Variants in PLEK observed in about 807,000 individuals in gnomAD.
The protein encoded by PLEK is pleckstrin, also known as platelet 47 kDa protein.
Under a neutral mutation model 43.9 loss-of-function variants are expected in PLEK, and 25 were observed. The ratio of observed to expected loss-of-function variants is 0.57; its 90% CI spans 0.41 to 0.79. The LOEUF (loss-of-function observed/expected upper bound fraction) is 0.79, where lower values mean the gene tolerates loss of function less well. Ranked by LOEUF, PLEK falls within the 30% of genes least tolerant of loss-of-function variation. The pLI, the probability that PLEK is intolerant of heterozygous loss-of-function variation, is 0.00. For synonymous variants in PLEK, 152 were observed against 144.4 expected (o/e 1.05, Z -0.38); for missense variants, 396 against 413.3 (o/e 0.96, Z 0.36).
Position 68,372,455 on chromosome 2 carries a change from C to T in PLEK, c.42+7062C>T, listed in dbSNP as rs138788232. On this transcript the variant is annotated intron_variant, in intron 1 of 8. Transcript: ENST00000234313. Reference sequence around the variant, plus strand: ...CCTCTTAAAGTGCTGGGATTACAGGCATGAGCCACTGCGCCCAGCCGAGAA... The same window carrying T: ...CCTCTTAAAGTGCTGGGATTACAGGTATGAGCCACTGCGCCCAGCCGAGAA... 7.9e-5 allele frequency among the ~76,000 whole-genome samples: 12 copies of T among 151,550 alleles called. No individual in the cohort carries two copies. In the East Asian group the frequency reaches 2.3e-3, roughly 30 times the overall value.
intron 1 of PLEK, among the ~76,000 whole-genome samples, chr2:68,366,191 A>G (rs1385456176): frequency 1.3e-5 from 2 of 152,190 alleles, no homozygotes; most frequent in African/African-American, 4.8e-5. Context: ...CACTAACCTT[A>G]GTGAGTGGAT....
chr2:68,386,595 A>G lies in PLEK; in HGVS notation c.566A>G (p.Tyr189Cys). The change falls in exon 5 of 9, where the codon TAT becomes TGT. Residue 189 changes from tyrosine (Y) to cysteine (C), a missense_variant. Tyr to Cys is a radical substitution (Grantham distance 194, BLOSUM62 -2). Coordinates refer to ENST00000234313, the MANE Select transcript of PLEK (RefSeq NM_002664.3). Reference protein sequence around the residue: ...MIASSLLNEGYLQPAGDMSKS... With the variant: ...MIASSLLNEGCLQPAGDMSKS... ...GCTTCATCGCTGCTCAATGAGGGGT[A>G]TCTGCAGCCTGCTGGAGACATGTCC... 6.2e-7 allele frequency: 1 copy of G among 1,613,640 alleles called. No individual in the cohort carries two copies. The highest frequency in any genetic ancestry group is 1.7e-5 in the Admixed American group (1 of 60,014).
chr2:68,380,518 G>A, intron 2 of PLEK, 35 bp downstream of exon 2: 3 of 1,599,240 alleles, frequency 1.9e-6, no homozygotes, highest in Non-Finnish European at 2.6e-6. Context: ...TGAACCCCTG[G>A]TCAGGCACTC....
chr2:68,374,185 A>T (rs1427714911), intron 1 of PLEK, among the ~76,000 whole-genome samples: 1 of 152,222 alleles, frequency 6.6e-6, no homozygotes, highest in Non-Finnish European at 1.5e-5. Context: ...ATACTTCAAC[A>T]TACATCTTCC....
chr2:68,377,664 G>A (rs188788597), intron 1 of PLEK, among the ~76,000 whole-genome samples: 126 of 152,182 alleles, frequency 8.3e-4, no homozygotes, highest in East Asian at 1.5e-3. Flanking sequence ...GATATATTCT[G>A]GCTATCAATC....
rs1387126090 is a variant in PLEK at position 68,397,204 on chromosome 2, A to T, written c.*1388A>T. The stretch of plus-strand genomic sequence containing the variant: ...GGCTCCAGGAAAGAAAGGAGAGTAG[A>T]ACATTTTTCCTCATTTTATCAAATC... On this transcript the variant is annotated 3_prime_UTR_variant, in exon 9 of 9. Coordinates refer to ENST00000234313, the MANE Select transcript of PLEK (RefSeq NM_002664.3). 6.6e-6 allele frequency: 1 copy of T among 152,134 alleles called. No homozygotes were observed. Among genetic ancestry groups the T allele is most frequent in the Non-Finnish European group, 1.5e-5 (1 of 68,032 alleles). 9.4% of individuals were successfully genotyped at this position (152,134 alleles called of 1,614,324 possible). A position where few individuals can be genotyped will look rare whatever the true frequency, so the allele number is the denominator to read the frequency against.
At chr2:68,388,999 C>T (rs898920629) in intron 6 of PLEK, among the ~76,000 whole-genome samples, 5 of 152,154 alleles carry the variant, frequency 3.3e-5, no homozygotes, top group East Asian at 1.9e-4. Flanking sequence ...TTCACAGGAA[C>T]AGCAGGCAAA....
chr2:68,380,752 G>A lies in PLEK; in HGVS notation c.228G>A (p.Gln76=), dbSNP rs1472452026. Residue 76 remains glutamine (Q), a synonymous_variant, in exon 3 of 9, where the codon CAG becomes CAA. Coordinates refer to ENST00000234313, the MANE Select transcript of PLEK (RefSeq NM_002664.3). ...MFVFKITTTK[Q]QDHFFQAAFL... The stretch of plus-strand genomic sequence containing the variant: ...TGTTTAAGATCACTACGACCAAACA[G>A]CAGGACCACTTCTTCCAGGCAGCCT... 3 of 1,613,842 alleles carry A rather than the reference G, an allele frequency of 1.9e-6. No homozygotes were observed. The highest frequency in any genetic ancestry group is 1.3e-5 in the African/African-American group (1 of 74,912).
chr2:68,393,039 A>G (rs1673890864), intron 6 of PLEK, 123 bp from the exon 7 acceptor site: 1 of 736,444 alleles, frequency 1.4e-6, no homozygotes. Context: ...GTTATCCTGG[A>G]GTTAGTATTT....
intron 1 of PLEK, among the ~76,000 whole-genome samples, chr2:68,366,692 T>C (rs1262103757): frequency 1.3e-5 from 2 of 152,212 alleles, no homozygotes; most frequent in African/African-American, 4.8e-5. Context: ...GAAACATCCT[T>C]TGGAAAAGAC....
chr2:68,378,010 A>G (rs1475207504), intron 1 of PLEK, among the ~76,000 whole-genome samples: 1 of 152,216 alleles, frequency 6.6e-6, no homozygotes, highest in Non-Finnish European at 1.5e-5. Context: ...AATAGTTGAC[A>G]GAGTGATTTT....
intron 6 of PLEK, among the ~76,000 whole-genome samples, chr2:68,390,236 T>A (rs1659480914): frequency 6.6e-6 from 1 of 152,228 alleles, no homozygotes; most frequent in Non-Finnish European, 1.5e-5. Context: ...AATTTAGCCT[T>A]AGCTAGCTCG....
rs770402574 is a variant in PLEK at position 68,365,365 on chromosome 2, G to T, written c.14G>T (p.Arg5Leu). Residue 5 changes from arginine to leucine, a missense_variant, in exon 1 of 9, where the codon CGG (arginine) becomes CTG (leucine). By Grantham distance (102) the Arg-to-Leu change is moderately radical (BLOSUM62 -2). Coordinates refer to ENST00000234313, the MANE Select transcript of PLEK (RefSeq NM_002664.3). ...TGTCCAGCCAGCATGGAACCAAAGC[G>T]GATCAGAGAGGGCTACCTTGTGAAG... is the stretch of plus-strand genomic sequence containing the variant. Reference protein sequence around the residue: MEPKRIREGYLVKKG... With the variant: MEPKLIREGYLVKKG... 1.9e-6 allele frequency: 3 copies of T among 1,613,716 alleles called. No homozygotes were observed. In the African/African-American group the frequency reaches 4.0e-5, roughly 22 times the overall value.
At chr2:68,380,962 A>AG in intron 3 of PLEK, 58 bp downstream of exon 3, 5 of 1,464,244 alleles carry the variant, frequency 3.4e-6, no homozygotes, top group Middle Eastern at 1.8e-4. Context: ...CAAACATAGC[A>AG]GATCCTGCTC....
At chr2:68,370,578 A>G (rs112945090) in intron 1 of PLEK, among the ~76,000 whole-genome samples, 174 of 152,264 alleles carry the variant, frequency 1.1e-3, no homozygotes, top group African/African-American at 4.0e-3. Flanking sequence ...CTCCACCTCC[A>G]GGGTTCAAGT....
chr2:68,368,468 G>A (rs553971552), intron 1 of PLEK, among the ~76,000 whole-genome samples: 1 of 152,214 alleles, frequency 6.6e-6, no homozygotes, highest in Non-Finnish European at 1.5e-5. Flanking sequence ...TAACAGCAAA[G>A]CCTACCATCT....
chr2:68,373,862 AT>A (rs1673454197), intron 1 of PLEK, among the ~76,000 whole-genome samples: 1 of 152,246 alleles, frequency 6.6e-6, no homozygotes, highest in Non-Finnish European at 1.5e-5. Flanking sequence ...TATTTTTAAA[AT>A]TTTTTATTAA....
intron 5 of PLEK, 30 bp from the exon 6 acceptor site, chr2:68,388,357 A>T: frequency 1.5e-6 from 2 of 1,298,536 alleles, no homozygotes; most frequent in Non-Finnish European, 2.2e-6. Flanking sequence ...AAGACTGGTG[A>T]TGTTAGCTTG....
chr2:68,394,082 A>G, intron 7 of PLEK, 25 bp from the exon 8 acceptor site: 3 of 1,533,720 alleles, frequency 2.0e-6, no homozygotes, highest in Admixed American at 1.7e-5. Context: ...TTGGAAACAT[A>G]ATGAACAACT....
Sources: allele counts gnomAD v4.1 joint callset (sites outside exome capture counted in the v4.1 genomes callset), GRCh38; gene constraint gnomAD v4.1.1; transcripts MANE v1.5; gene names NCBI Gene and HGNC (gene_info 2026-07-23, HGNC 2026-07-21).